DACH2: variants seen among roughly 807,000 people sequenced by gnomAD.
DACH2 encodes the protein dachshund family transcription factor 2.
DACH2 carries 17 observed loss-of-function variants against 35.8 expected under a neutral mutation model. The observed-to-expected ratio is 0.48, with a 90% CI of 0.33 to 0.71. The LOEUF is 0.71. Among genes scored for constraint, DACH2 ranks in the 30% least tolerant of loss-of-function variants. The pLI, the probability that DACH2 is intolerant of heterozygous loss-of-function variation, is 0.02. For missense variants in DACH2, 469 were observed against 472.7 expected (o/e 0.99, Z 0.07); for synonymous variants, 195 against 177.3 (o/e 1.10, Z -0.79).
intron 1 of DACH2, among the ~76,000 whole-genome samples, chrX:86,182,499 T>C (rs242867): frequency 0.067 from 7,473 of 111,234 alleles, 624 homozygotes; most frequent in African/African-American, 0.23. Flanking sequence ...TGGCTGTAGA[T>C]GTGTGGCATT....
chrX:86,754,617 T>C (rs764713746), intron 7 of DACH2, among the ~76,000 whole-genome samples: 1 of 111,413 alleles, frequency 9.0e-6, no homozygotes, highest in South Asian at 3.8e-4. Flanking sequence ...TCCATCATTT[T>C]TCTCTCCACC....
intron 1 of DACH2, among the ~76,000 whole-genome samples, chrX:86,282,771 C>CTTTTTTTTTT (rs1569328374): frequency 4.7e-5 from 2 of 42,283 alleles, no homozygotes; most frequent in African/African-American, 5.7e-4. Context: ...TGAACAGACA[C>CTTTTTTTTTT]TTCTTTTTTT....
At chrX:86,658,255 T>C (rs2040565612) in intron 4 of DACH2, among the ~76,000 whole-genome samples, 1 of 111,704 alleles carries the variant, frequency 9.0e-6, no homozygotes, top group African/African-American at 3.2e-5. Context: ...CTGTATTTAG[T>C]TGAGATGTTT....
intron 3 of DACH2, among the ~76,000 whole-genome samples, chrX:86,596,943 C>T (rs1376203111): frequency 9.0e-6 from 1 of 111,223 alleles, no homozygotes; most frequent in African/African-American, 3.3e-5. Flanking sequence ...CAATTAACCA[C>T]ATATTTATAG....
At chrX:86,604,480 A>G (rs746379232) in intron 3 of DACH2, among the ~76,000 whole-genome samples, 215 of 111,963 alleles carry the variant, frequency 1.9e-3, no homozygotes, top group Non-Finnish European at 2.5e-3. Context: ...AAATCTGAAT[A>G]AATTGTGAGC....
At chrX:86,567,372 G>C (rs981087434) in intron 3 of DACH2, among the ~76,000 whole-genome samples, 1 of 111,214 alleles carries the variant, frequency 9.0e-6, no homozygotes, top group Non-Finnish European at 1.9e-5. Flanking sequence ...GGATTTATCT[G>C]GCAGATCTAG....
chrX:86,233,672 T>TA, intron 1 of DACH2, among the ~76,000 whole-genome samples: 1 of 111,851 alleles, frequency 8.9e-6, no homozygotes, highest in East Asian at 2.8e-4. Context: ...ACGCTGCTGA[T>TA]AAAGACATAC....
At chrX:86,736,241 A>T (rs1189409205) in intron 6 of DACH2, among the ~76,000 whole-genome samples, 2 of 111,304 alleles carry the variant, frequency 1.8e-5, no homozygotes, top group Non-Finnish European at 3.8e-5. Context: ...AAAAAGTCTG[A>T]CTTCTGTGCT....
chrX:86,527,130 A>C (rs1355326269), intron 3 of DACH2, among the ~76,000 whole-genome samples: 3 of 111,554 alleles, frequency 2.7e-5, no homozygotes, highest in African/African-American at 9.8e-5. Flanking sequence ...TAATCAGTTG[A>C]TAGATGTCTG....
chrX:86,423,201 G>A (rs1256488549), intron 2 of DACH2, among the ~76,000 whole-genome samples: 2 of 111,052 alleles, frequency 1.8e-5, no homozygotes, highest in Non-Finnish European at 3.8e-5. Flanking sequence ...GGAGATTGCG[G>A]AATAATATGG....
chrX:86,637,116 G>T, intron 3 of DACH2, among the ~76,000 whole-genome samples: 1 of 93,574 alleles, frequency 1.1e-5, no homozygotes, highest in East Asian at 3.7e-4. Flanking sequence ...ATGAAAAAAA[G>T]CTCAACATCA....
At chrX:86,413,541 G>A (rs1253594555) in intron 2 of DACH2, among the ~76,000 whole-genome samples, 1 of 112,035 alleles carries the variant, frequency 8.9e-6, no homozygotes, top group Non-Finnish European at 1.9e-5. Flanking sequence ...TTCTGCACAG[G>A]CCAAATGGGA....
chrX:86,427,800 A>G (rs113360561), intron 2 of DACH2, among the ~76,000 whole-genome samples: 1,468 of 112,189 alleles, frequency 0.013, 7 homozygotes, highest in Middle Eastern at 0.037. Context: ...TCAAAGAAAT[A>G]TGAATCAAAT....
In DACH2 at chrX:86,762,184, A is replaced by C. The variant is rs1372947622; in HGVS notation, c.1240+22302A>C. 4.5e-5 allele frequency among the ~76,000 whole-genome samples: 5 copies of C among 111,701 alleles called. No homozygotes were observed. The East Asian group carries it at 1.4e-3, about 31-fold the overall frequency. On this transcript the variant is annotated intron_variant, in intron 7 of 11. Coordinates refer to ENST00000373125, the MANE Select transcript of DACH2 (RefSeq NM_053281.3). ...CAAATAAAAAAAGATTCAAACAATC[A>C]TAGACATTTAACTGCAAATACATCG...
intron 2 of DACH2, among the ~76,000 whole-genome samples, chrX:86,485,656 A>C (rs66849118): frequency 0.04 from 4,427 of 111,390 alleles, 94 homozygotes; most frequent in East Asian, 0.21. Context: ...GTCAATTATA[A>C]ATTTAAAAAA....
At chrX:86,555,901 GC>G (rs1456191850) in intron 3 of DACH2, among the ~76,000 whole-genome samples, 1 of 111,116 alleles carries the variant, frequency 9.0e-6, no homozygotes, top group African/African-American at 3.3e-5. Flanking sequence ...CAGTTTTTAA[GC>G]CCATCATGGT....
intron 2 of DACH2, among the ~76,000 whole-genome samples, chrX:86,404,195 C>G (rs1315506425): frequency 2.7e-5 from 3 of 110,855 alleles, no homozygotes; most frequent in African/African-American, 9.9e-5. Context: ...CTCATGTCCT[C>G]ACAATTCAAA....
chrX:86,817,833 T>A (rs974222645), intron 11 of DACH2, among the ~76,000 whole-genome samples: 3 of 112,107 alleles, frequency 2.7e-5, no homozygotes, highest in Non-Finnish European at 5.6e-5. Flanking sequence ...CTACCAAGAA[T>A]GGATTTTGCA....
intron 1 of DACH2, among the ~76,000 whole-genome samples, chrX:86,276,890 G>T (rs1481266799): frequency 9.0e-6 from 1 of 111,535 alleles, no homozygotes; most frequent in Non-Finnish European, 1.9e-5. Context: ...TGGCCTATGT[G>T]TCTGTTTTTA....
Sources: gnomAD v4.1 joint callset for allele counts (sites outside exome capture counted in the v4.1 genomes callset) on GRCh38, gnomAD v4.1.1 for gene constraint, MANE v1.5 for transcripts, NCBI Gene and HGNC (gene_info 2026-07-23, HGNC 2026-07-21) for gene names.